Variants in SPTLC3 observed in about 807,000 individuals in gnomAD.
The protein encoded by SPTLC3 is serine palmitoyltransferase 3.
Under a neutral mutation model 59.3 loss-of-function variants are expected in SPTLC3, and 36 were observed. The ratio of observed to expected loss-of-function variants is 0.61; its 90% confidence interval spans 0.47 to 0.80. The LOEUF (loss-of-function observed/expected upper bound fraction) is 0.80. Ranked by LOEUF, SPTLC3 falls within the 30% of genes least tolerant of loss-of-function variation. The pLI, the probability that SPTLC3 is intolerant of heterozygous loss-of-function variation, is 0.00. For synonymous variants in SPTLC3, 257 were observed against 240.8 expected (o/e 1.07, Z -0.62); for missense variants, 625 against 685.1 (o/e 0.91, Z 0.98).
intron 2 of SPTLC3, among the ~76,000 whole-genome samples, chr20:13,068,750 T>TA (rs59578735): frequency 0.4 from 59,627 of 147,716 alleles, 11,901 homozygotes; most frequent in Middle Eastern, 0.54. Flanking sequence ...CTGAGTACTT[T>TA]AAAAAAAAAA....
chr20:13,062,353 T>C (rs907762115), intron 2 of SPTLC3, among the ~76,000 whole-genome samples: 23 of 152,198 alleles, frequency 1.5e-4, no homozygotes, highest in African/African-American at 5.6e-4. Context: ...AGAAATATTT[T>C]GCTAAATAAG....
intron 7 of SPTLC3, among the ~76,000 whole-genome samples, chr20:13,114,622 GA>G (rs1173569646): frequency 3.9e-5 from 6 of 152,318 alleles, no homozygotes; most frequent in African/African-American, 1.4e-4. Context: ...TAAGGATTGA[GA>G]ACTTCAGTGG....
chr20:13,039,354 A>G (rs1986874983), intron 1 of SPTLC3, among the ~76,000 whole-genome samples: 6 of 152,080 alleles, frequency 3.9e-5, no homozygotes, highest in Admixed American at 3.9e-4. Flanking sequence ...TAATCATTTT[A>G]TTATTATAAA....
At chr20:13,099,862 G>A (rs1323136307) in intron 6 of SPTLC3, among the ~76,000 whole-genome samples, 7 of 152,192 alleles carry the variant, frequency 4.6e-5, no homozygotes, top group Admixed American at 4.6e-4. Flanking sequence ...GAAACTGTAT[G>A]TGCATGACAC....
chr20:13,160,226 C>A, intron 11 of SPTLC3, 94 bp downstream of exon 11: 5 of 1,417,252 alleles, frequency 3.5e-6, no homozygotes, highest in Non-Finnish European at 4.7e-6. Context: ...CTCTGGGTTT[C>A]TCTTGGGTTA....
At chr20:13,024,102 G>A (rs1200111888) in intron 1 of SPTLC3, among the ~76,000 whole-genome samples, 1 of 152,080 alleles carries the variant, frequency 6.6e-6, no homozygotes, top group Non-Finnish European at 1.5e-5. Context: ...AACCAACTCC[G>A]TTGACCCTCA....
chr20:13,065,191 T>TA lies in SPTLC3; in HGVS notation c.304-7064dup, dbSNP rs1469752892. ...TTGTCATATTTAACTCCTCTAAACTTACTTTTTTCTCTACTGAACTTTTTA... is the reference window on the plus strand; with the variant it reads ...TTGTCATATTTAACTCCTCTAAACTTAACTTTTTTCTCTACTGAACTTTTTA... On this transcript the variant is annotated intron_variant, in intron 2 of 11. Coordinates refer to ENST00000399002, the MANE Select transcript of SPTLC3 (RefSeq NM_018327.4). Among the ~76,000 whole-genome samples, 3 of 152,010 alleles carry TA rather than the reference T, an allele frequency of 2.0e-5. No individual in the cohort carries two copies. The East Asian group carries it at 5.8e-4, about 29-fold the overall frequency.
intron 10 of SPTLC3, among the ~76,000 whole-genome samples, chr20:13,158,553 TTCTCAGACAATTATGAGC>T (rs746113964): frequency 2.6e-5 from 4 of 152,298 alleles, no homozygotes; most frequent in Non-Finnish European, 5.9e-5. Context: ...CTTGACTTGT[TTCTCAGACAATTATGAGC>T]TCTCATTCTG....
chr20:13,117,737 C>T lies in SPTLC3; in HGVS notation c.1152+12C>T, dbSNP rs367753177. ...TAGCTGGAAGGAAGGTAAGAGAGGG[C>T]CTGCTTGTGTCTGTTTAAAACCTGA... On this transcript the variant is annotated intron_variant, in intron 8 of 11. Transcript: ENST00000399002. 9.9e-5 allele frequency: 159 copies of T among 1,599,970 alleles called. No individual in the cohort carries two copies. The highest frequency in any genetic ancestry group is 1.3e-4 in the Non-Finnish European group (156 of 1,174,120).
At chr20:13,076,385 A>G (rs1988646237) in intron 4 of SPTLC3, among the ~76,000 whole-genome samples, 1 of 152,220 alleles carries the variant, frequency 6.6e-6, no homozygotes, top group Admixed American at 6.5e-5. Context: ...ATGGGTTAAC[A>G]ATGAAAATTG....
At position 13,121,134 on chromosome 20, in the gene SPTLC3, G is replaced by A. The variant is rs1388007648; in HGVS notation, c.1152+3409G>A. 2.6e-5 allele frequency among the ~76,000 whole-genome samples: 4 copies of A among 152,284 alleles called. No individual in the cohort carries two copies. The East Asian group carries it at 7.7e-4, about 29-fold the overall frequency. On this transcript the variant is annotated intron_variant, in intron 8 of 11. Transcript: ENST00000399002. The stretch of plus-strand genomic sequence containing the variant: ...GCCGAAGACCCCAAACTTTTCCCCA[G>A]GCAAGGATCTTGAGTCCACCTGCAT...
intron 2 of SPTLC3, among the ~76,000 whole-genome samples, chr20:13,060,022 C>G (rs963714911): frequency 1.3e-5 from 2 of 152,182 alleles, no homozygotes; most frequent in African/African-American, 4.8e-5. Flanking sequence ...TTTCCCCTTT[C>G]CCCTCAAACC....
intron 2 of SPTLC3, among the ~76,000 whole-genome samples, chr20:13,066,469 T>G (rs1267897231): frequency 1.3e-5 from 2 of 152,204 alleles, no homozygotes; most frequent in Non-Finnish European, 2.9e-5. Flanking sequence ...ACTGTACCTT[T>G]GTAGTATATT....
At chr20:13,145,573 T>A (rs184763504) in intron 9 of SPTLC3, among the ~76,000 whole-genome samples, 1 of 152,286 alleles carries the variant, frequency 6.6e-6, no homozygotes, top group Admixed American at 6.5e-5. Context: ...CAAAGCAATT[T>A]ACAGATTCAG....
Position 13,080,796 on chromosome 20 carries a change from A to G in SPTLC3, c.607+6299A>G, listed in dbSNP as rs138098820. Reference sequence around the variant, plus strand: ...GAGCAATTTTGTCTTTAAAAAATGAATAAGTATTTAAACTTGAATAAAGTA... The same window carrying G: ...GAGCAATTTTGTCTTTAAAAAATGAGTAAGTATTTAAACTTGAATAAAGTA... On this transcript the variant is annotated intron_variant, in intron 4 of 11. Coordinates refer to ENST00000399002, the MANE Select transcript of SPTLC3 (RefSeq NM_018327.4). Among the ~76,000 whole-genome samples, 3 of 152,312 alleles carry G rather than the reference A, an allele frequency of 2.0e-5. No homozygotes were observed. The East Asian group carries it at 5.8e-4, about 29-fold the overall frequency.
intron 8 of SPTLC3, 46 bp from the exon 9 acceptor site, chr20:13,126,545 T>A: frequency 6.2e-7 from 1 of 1,606,642 alleles, no homozygotes; most frequent in Non-Finnish European, 8.5e-7. Context: ...ACCACCAGTG[T>A]TGAGATTTAT....
At chr20:13,013,609 C>T (rs184491011) in intron 1 of SPTLC3, among the ~76,000 whole-genome samples, 30 of 152,242 alleles carry the variant, frequency 2.0e-4, no homozygotes, top group Admixed American at 7.9e-4. Context: ...TTAAGGAATC[C>T]GCAGTTTTTC....
chr20:13,023,662 C>G (rs1356938004), intron 1 of SPTLC3, among the ~76,000 whole-genome samples: 3 of 152,122 alleles, frequency 2.0e-5, no homozygotes, highest in South Asian at 2.1e-4. Context: ...GACAGCATGG[C>G]TACTATTTAC....
At chr20:13,080,219 G>T (rs934674200) in intron 4 of SPTLC3, among the ~76,000 whole-genome samples, 2 of 151,866 alleles carry the variant, frequency 1.3e-5, no homozygotes, top group African/African-American at 4.8e-5. Context: ...TTCAAAACAG[G>T]CAAAACTTGG....
Sources: gnomAD v4.1 joint callset for allele counts (sites outside exome capture counted in the v4.1 genomes callset) on GRCh38, gnomAD v4.1.1 for gene constraint, MANE v1.5 for transcripts, NCBI Gene and HGNC (gene_info 2026-07-23, HGNC 2026-07-21) for gene names.